The following PYM1 variants were observed in gnomAD, a reference collection of about 807,000 sequenced individuals.
PYM1 encodes the protein PYM1 exon junction complex associated factor, also known as partner of Y14 and mago.
Under a neutral mutation model 20.7 loss-of-function variants are expected in PYM1, and 7 were observed. The observed-to-expected ratio is 0.34, with a 90% CI of 0.19 to 0.64. The LOEUF is 0.64. Ranked by LOEUF, PYM1 falls within the 30% of genes least tolerant of loss-of-function variation. The pLI is 0.74. For missense variants in PYM1, 194 were observed against 250.0 expected (o/e 0.78, Z 1.51); for synonymous variants, 100 against 99.2 (o/e 1.01, Z -0.05).
intron 1 of PYM1, among the ~76,000 whole-genome samples, chr12:55,916,171 C>T (rs1883003725): frequency 6.6e-6 from 1 of 151,782 alleles, no homozygotes; most frequent in Admixed American, 6.6e-5. Context: ...CCCATCTCTA[C>T]TAAAAATACA....
At chr12:55,909,065 GA>G (rs1197373504) in intron 1 of PYM1, among the ~76,000 whole-genome samples, 2 of 152,040 alleles carry the variant, frequency 1.3e-5, no homozygotes, top group East Asian at 3.9e-4. Flanking sequence ...AGCCTGGTTG[GA>G]AATGAAAAAT....
At chr12:55,909,523 A>G (rs1882883831) in intron 1 of PYM1, among the ~76,000 whole-genome samples, 1 of 152,084 alleles carries the variant, frequency 6.6e-6, no homozygotes. Context: ...AAATGAATGA[A>G]TCCTTTATAC....
chr12:55,916,898 T>A (rs762078052), intron 1 of PYM1, among the ~76,000 whole-genome samples: 3 of 151,768 alleles, frequency 2.0e-5, no homozygotes, highest in Non-Finnish European at 2.9e-5. Flanking sequence ...ATCGCTTGCA[T>A]CCAGGAGTTC....
chr12:55,905,889 T>TTATTATATATATCTATTAGATATATATAA (rs1882797497), intron 1 of PYM1, among the ~76,000 whole-genome samples: 8 of 71,388 alleles, frequency 1.1e-4, no homozygotes, highest in Non-Finnish European at 2.4e-4. Context: ...GATATATATA[T>TTATTATATATATCTATTAGATATATATAA]TATTATATAT....
intron 1 of PYM1, among the ~76,000 whole-genome samples, chr12:55,917,756 G>A (rs886131422): frequency 9.9e-5 from 15 of 152,028 alleles, no homozygotes; most frequent in African/African-American, 3.6e-4. Flanking sequence ...GAGGTCAGGA[G>A]TTGGAGACCA....
At chr12:55,919,145 T>C (rs1407836727) in intron 1 of PYM1, among the ~76,000 whole-genome samples, 1 of 152,148 alleles carries the variant, frequency 6.6e-6, no homozygotes, top group East Asian at 1.9e-4. Flanking sequence ...AGAAACATTA[T>C]TTGCATTTTA....
At chr12:55,914,309 C>A (rs1212279198) in intron 1 of PYM1, 1 of 702,174 alleles carries the variant, frequency 1.4e-6, no homozygotes, top group East Asian at 2.7e-5. Flanking sequence ...ATCCTCTGGC[C>A]TTGATGGTAT....
At chr12:55,908,649 C>G (rs1032137869) in intron 1 of PYM1, among the ~76,000 whole-genome samples, 1 of 152,040 alleles carries the variant, frequency 6.6e-6, no homozygotes, top group East Asian at 1.9e-4. Context: ...ATCAGGAGTT[C>G]GAGACCAGCC....
rs1882708751 is a variant in PYM1 at position 55,902,313 on chromosome 12, C to G, written c.174G>C (p.Glu58Asp). 1.2e-6 allele frequency: 2 copies of G among 1,612,632 alleles called. No homozygotes were observed. The highest frequency in any genetic ancestry group is 1.7e-6 in the Non-Finnish European group (2 of 1,179,348). The change falls in exon 3 of 3, where the codon GAG becomes GAC. Residue 58 changes from glutamate to aspartate, a missense_variant. Around this residue, in one of 3 missense-constraint regions of PYM1, gnomAD observed 158 missense variants for 179.0 expected, o/e 0.88. Transcript: ENST00000408946. ...KYVKFFKSKP[E>D]LPPGLSPEAT... ...CCTCAGGGCTTAGCCCTGGGGGCAA[C>G]TCTGGTTTACTCTTGAAAAACTTCA...
intron 1 of PYM1, among the ~76,000 whole-genome samples, chr12:55,925,729 T>TC (rs1272901685): frequency 1.3e-5 from 2 of 152,278 alleles, no homozygotes; most frequent in East Asian, 3.9e-4. Context: ...CTTTTTCTCT[T>TC]CCACATAGTC....
intron 1 of PYM1, among the ~76,000 whole-genome samples, chr12:55,926,596 G>A (rs1473797249): frequency 6.6e-6 from 1 of 152,164 alleles, no homozygotes; most frequent in South Asian, 2.1e-4. Context: ...ATGAAGATAC[G>A]GGAGAGGAAA....
At position 55,902,456 on chromosome 12, in the gene PYM1, CCT is replaced by C. The variant is rs561608941; in HGVS notation, c.132-103_132-102del. On this transcript the variant is annotated intron_variant, in intron 2 of 2. Transcript: ENST00000408946. ...CTTCATCCTCATTACATTCTTGCTT[CCT>C]TTTTTTGTTGTTGTTTTTGTGGGGT... The C allele has an allele frequency of 8.1e-4, 1,187 of 1,464,254 alleles. 3 individuals are homozygous for C. The highest frequency in any genetic ancestry group is 1.0e-3 in the Non-Finnish European group (1,126 of 1,104,996). 90.7% of individuals were successfully genotyped at this position (1,464,254 alleles called of 1,614,324 possible). A position where few individuals can be genotyped will look rare whatever the true frequency, so the allele number is the denominator to read the frequency against.
chr12:55,923,615 A>G (rs1412622618), intron 1 of PYM1, among the ~76,000 whole-genome samples: 1 of 152,038 alleles, frequency 6.6e-6, no homozygotes, highest in Non-Finnish European at 1.5e-5. Flanking sequence ...TCTAGTTAAT[A>G]GTAATATATC....
chr12:55,923,207 A>G lies in PYM1; in HGVS notation c.37+4518T>C, dbSNP rs927648002. On this transcript the variant is annotated intron_variant, in intron 1 of 2. Coordinates refer to ENST00000408946, the MANE Select transcript of PYM1 (RefSeq NM_032345.3). ...CCATTGCACTCCAGCCTGGGCAACA[A>G]GAGCAGAACTCCGTCTCAAAAAAAT... Among the ~76,000 whole-genome samples, 10 of 149,704 alleles carry G rather than the reference A, an allele frequency of 6.7e-5. No homozygotes were observed. The East Asian group carries it at 1.0e-3, about 15-fold the overall frequency.
chr12:55,927,256 A>C, intron 1 of PYM1: 3 of 1,142,250 alleles, frequency 2.6e-6, no homozygotes, highest in Non-Finnish European at 3.9e-6. Flanking sequence ...AGGAGGAGGA[A>C]GAGTGGAGAA....
chr12:55,907,292 T>G (rs1392980014), intron 1 of PYM1, among the ~76,000 whole-genome samples: 1 of 149,514 alleles, frequency 6.7e-6, no homozygotes, highest in Non-Finnish European at 1.5e-5. Flanking sequence ...GGCAAAACCC[T>G]GCCTCTACTA....
At chr12:55,923,690 T>C (rs549010427) in intron 1 of PYM1, among the ~76,000 whole-genome samples, 5 of 152,196 alleles carry the variant, frequency 3.3e-5, no homozygotes, top group East Asian at 3.9e-4. Context: ...ATGGGGAAAC[T>C]GAGTGTAGGG....
At position 55,927,803 on chromosome 12, in the gene PYM1, C is replaced by A; in HGVS notation, c.-42G>T. ...GACCAGGTTGGGCGGGCGGCCCTGGCCTGGCTCTGCCCCGCTGGGCGGCGC... is the reference window on the plus strand; with the variant it reads ...GACCAGGTTGGGCGGGCGGCCCTGGACTGGCTCTGCCCCGCTGGGCGGCGC... On this transcript the variant is annotated 5_prime_UTR_variant, in exon 1 of 3. Transcript: ENST00000408946. The A allele has an allele frequency of 6.5e-7, 1 of 1,532,932 alleles. No individual in the cohort carries two copies. The highest frequency in any genetic ancestry group is 2.0e-5 in the Admixed American group (1 of 50,438). The allele number at this position is 1,532,932 out of a possible 1,614,324, so 95.0% of individuals were successfully genotyped here. A position where few individuals can be genotyped will look rare whatever the true frequency, so the allele number is the denominator to read the frequency against.
At position 55,910,453 on chromosome 12, in the gene PYM1, T is replaced by C. The variant is rs187085737; in HGVS notation, c.38-6973A>G. On this transcript the variant is annotated intron_variant, in intron 1 of 2. Coordinates refer to ENST00000408946, the MANE Select transcript of PYM1 (RefSeq NM_032345.3). The stretch of plus-strand genomic sequence containing the variant: ...TCACCACACCTGGCTAATTACTGTT[T>C]TTGTTTTTTGACACAGTCTAACCCT... Among the ~76,000 whole-genome samples the C allele has an allele frequency of 2.1e-3, 316 of 152,116 alleles. 3 individuals carry two copies. The highest frequency in any genetic ancestry group is 7.4e-3 in the African/African-American group (308 of 41,512).
Sources: gnomAD v4.1 joint callset for allele counts (sites outside exome capture counted in the v4.1 genomes callset) on GRCh38, gnomAD v4.1.1 for gene constraint, gnomAD v4.1.1 regional missense constraint, MANE v1.5 for transcripts, NCBI Gene and HGNC (gene_info 2026-07-23, HGNC 2026-07-21) for gene names.